Variants in GATD1 observed in about 807,000 individuals in gnomAD.
GATD1 encodes glutamine amidotransferase class 1 domain containing 1, also known as glutamine amidotransferase-like class 1 domain-containing protein 1.
GATD1 carries 23 observed loss-of-function variants against 25.9 expected under a neutral mutation model. The ratio of observed to expected loss-of-function variants is 0.89; its 90% CI spans 0.64 to 1.26. GATD1 has a LOEUF of 1.26. GATD1 is among the 50% of genes most tolerant of loss of function. GATD1 has a pLI of 0.00. For missense variants in GATD1, 347 were observed against 312.5 expected (o/e 1.11, Z -0.83); for synonymous variants, 177 against 134.6 (o/e 1.31, Z -2.18).
At position 777,441 on chromosome 11, in the gene GATD1, T is replaced by G. The variant is rs1864125947; in HGVS notation, c.22A>C (p.Asn8His). The G allele has an allele frequency of 3.2e-6, 4 of 1,259,726 alleles. No homozygotes were observed. In the South Asian group the frequency reaches 1.0e-4, roughly 32 times the overall value. 78.0% of individuals were successfully genotyped at this position (1,259,726 alleles called of 1,614,324 possible). A position where few individuals can be genotyped will look rare whatever the true frequency, so the allele number is the denominator to read the frequency against. MASERLP[N>H]RPACLLVASG... ...GCCACGAGCAGACAGGCGGGCCTGT[T>G]AGGGAGCCGCTCGGACGCCATGGCT... The change falls in exon 1 of 8, where the codon AAC (asparagine) becomes CAC (histidine). Residue 8 changes from asparagine (N) to histidine (H), a missense_variant. Coordinates refer to ENST00000319863, the MANE Select transcript of GATD1 (RefSeq NM_182612.4).
chr11:774,773 T>C (rs1590096729), intron 2 of GATD1, among the ~76,000 whole-genome samples: 1 of 151,712 alleles, frequency 6.6e-6, no homozygotes, highest in Admixed American at 6.6e-5. Context: ...GAGGTTGTGG[T>C]GAGCCGAGAT....
At chr11:775,432 G>A (rs913396825) in intron 1 of GATD1, among the ~76,000 whole-genome samples, 11 of 152,346 alleles carry the variant, frequency 7.2e-5, no homozygotes, top group Non-Finnish European at 1.5e-4. Flanking sequence ...TCCCCAGCCT[G>A]GCACTGTCAC....
chr11:776,385 C>T (rs1408194538), intron 1 of GATD1, among the ~76,000 whole-genome samples: 1 of 152,122 alleles, frequency 6.6e-6, no homozygotes, highest in African/African-American at 2.4e-5. Context: ...CCCCCAGCTG[C>T]CCGCCCTTCC....
rs1863295333 is a variant in GATD1, at chr11:770,021, GGAA to G, written c.*873_*875del. The G allele has an allele frequency of 9.2e-7, 1 of 1,088,310 alleles. No homozygotes were observed. The highest frequency in any genetic ancestry group is 1.1e-6 in the Non-Finnish European group (1 of 897,054). 67.4% of individuals were successfully genotyped at this position (1,088,310 alleles called of 1,614,324 possible). On this transcript the variant is annotated 3_prime_UTR_variant, in exon 8 of 8. Transcript: ENST00000319863. ...TGTGGCTGAGACGGGGAGGTGGGCA[GGAA>G]GAAGGCCTTCGATGGCTCAAACTGG...
chr11:775,658 G>A (rs1565018585), intron 1 of GATD1, among the ~76,000 whole-genome samples: 1 of 152,116 alleles, frequency 6.6e-6, no homozygotes. Context: ...AAGTGTCCTG[G>A]CCCCCCCTCA....
chr11:770,802 T>C lies in GATD1; in HGVS notation c.*95A>G. 6.5e-6 allele frequency: 10 copies of C among 1,541,410 alleles called. No individual in the cohort carries two copies. The highest frequency in any genetic ancestry group is 8.7e-6 in the Non-Finnish European group (10 of 1,143,092). On this transcript the variant is annotated 3_prime_UTR_variant, in exon 8 of 8. Coordinates refer to ENST00000319863, the MANE Select transcript of GATD1 (RefSeq NM_182612.4). ...AGACCAGGCTGCCATCCAGGGCCCTTGTCAGGAGGGAAGAGGCGGGGTCCC... is the reference window on the plus strand; with the variant it reads ...AGACCAGGCTGCCATCCAGGGCCCTCGTCAGGAGGGAAGAGGCGGGGTCCC...
intron 3 of GATD1, 37 bp from the exon 4 acceptor site, chr11:773,666 T>C: frequency 6.7e-7 from 1 of 1,497,756 alleles, no homozygotes; most frequent in Non-Finnish European, 9.2e-7. Context: ...CAGCCACATG[T>C]CAAAGTGAGA....
chr11:773,495 C>T (rs773553994), intron 4 of GATD1, 27 bp downstream of exon 4: 18 of 1,565,016 alleles, frequency 1.2e-5, no homozygotes, highest in Admixed American at 3.5e-5. Context: ...CATCCAACCC[C>T]TCCCCTGGGT....
chr11:774,486 C>T (rs1253280184), intron 2 of GATD1, among the ~76,000 whole-genome samples: 2 of 152,262 alleles, frequency 1.3e-5, no homozygotes, highest in Admixed American at 6.5e-5. Context: ...ACCAGGGCTG[C>T]GCCTTGGTCT....
chr11:771,229 G>A, intron 6 of GATD1, 104 bp downstream of exon 6: 1 of 1,548,230 alleles, frequency 6.5e-7, no homozygotes, highest in Non-Finnish European at 8.7e-7. Context: ...CAGTGCCATG[G>A]GGGTCTATAG....
chr11:769,167 A>T lies in GATD1; in HGVS notation c.*1730T>A, dbSNP rs1418260441. ...CATCACCACACGGGGATGAGAGTGG[A>T]CCCGGGACAGAGCAAGGCCCCGTGG... On this transcript the variant is annotated 3_prime_UTR_variant, in exon 8 of 8. Transcript: ENST00000319863. 1 of 985,106 alleles carries T rather than the reference A, an allele frequency of 1.0e-6. No individual in the cohort carries two copies. The highest frequency in any genetic ancestry group is 1.2e-6 in the Non-Finnish European group (1 of 829,924). The allele number at this position is 985,106 out of a possible 1,614,324, so 61.0% of individuals were successfully genotyped here.
Position 771,406 on chromosome 11 carries a change from G to T in GATD1, c.471C>A (p.Val157=). Residue 157 remains valine, a synonymous_variant, in exon 6 of 8, where the codon GTC becomes GTA. Transcript: ENST00000319863. The part of the protein sequence containing the change: ...SLTGPSVCEL[V]RAPGFARLPL... ...GCAGGCGGGCGAAGCCGGGGGCCCT[G>T]ACGAGCTCACACACAGAGGGCTGCG... The T allele has an allele frequency of 6.4e-7, 1 of 1,556,550 alleles. No individual in the cohort carries two copies.
chr11:776,052 G>C (rs1029064482), intron 1 of GATD1, among the ~76,000 whole-genome samples: 6 of 126,616 alleles, frequency 4.7e-5, no homozygotes, highest in African/African-American at 1.8e-4. Flanking sequence ...GTGCGATCTC[G>C]GCTCACTGCA....
chr11:771,129 C>T, intron 6 of GATD1, 25 bp from the exon 7 acceptor site: 2 of 1,565,748 alleles, frequency 1.3e-6, no homozygotes, highest in Non-Finnish European at 1.7e-6. Context: ...GGGCACCAAC[C>T]TCAGGCAATG....
Position 775,135 on chromosome 11 carries a change from C to A in GATD1, c.72G>T (p.Ser24=). The change falls in exon 2 of 8, where the codon TCG becomes TCT. Residue 24 remains serine (S), a synonymous_variant. Transcript: ENST00000319863. ...LVASGAAEGV[S]AQSFLHCFTM... The stretch of plus-strand genomic sequence containing the variant: ...TGAAACAGTGGAGGAAGGACTGGGC[C>A]GACACACCTGCAGAAGGTCCCAGTG... 2 of 1,601,546 alleles carry A rather than the reference C, an allele frequency of 1.2e-6. No individual in the cohort carries two copies. Among genetic ancestry groups the A allele is most frequent in the Non-Finnish European group, 1.7e-6 (2 of 1,175,378 alleles).
rs556170509 is a variant in GATD1 at position 775,737 on chromosome 11, G to A, written c.65-595C>T. 3.3e-5 allele frequency among the ~76,000 whole-genome samples: 5 copies of A among 151,974 alleles called. No individual in the cohort carries two copies. In the South Asian group the frequency reaches 6.2e-4, roughly 19 times the overall value. On this transcript the variant is annotated intron_variant, in intron 1 of 7. Coordinates refer to ENST00000319863, the MANE Select transcript of GATD1 (RefSeq NM_182612.4). ...GGTTCTGGGATTATACCCCTCCCCCGCCAGCTCTTCCTAGCATCCTTCGGC... is the reference window on the plus strand; with the variant it reads ...GGTTCTGGGATTATACCCCTCCCCCACCAGCTCTTCCTAGCATCCTTCGGC...
At position 777,444 on chromosome 11, in the gene GATD1, G is replaced by T. The variant is rs949713684; in HGVS notation, c.19C>A (p.Pro7Thr). Residue 7 changes from proline to threonine, a missense_variant, in exon 1 of 8, where the codon CCT becomes ACT. Pro to Thr is a conservative substitution (Grantham distance 38, BLOSUM62 -1). Coordinates refer to ENST00000319863, the MANE Select transcript of GATD1 (RefSeq NM_182612.4). MASERL[P>T]NRPACLLVAS... is the part of the protein sequence containing the mutation. ...ACGAGCAGACAGGCGGGCCTGTTAG[G>T]GAGCCGCTCGGACGCCATGGCTCGG... 2 of 1,255,632 alleles carry T rather than the reference G, an allele frequency of 1.6e-6. No individual in the cohort carries two copies. The highest frequency in any genetic ancestry group is 3.4e-5 in the East Asian group (1 of 29,472). 77.8% of individuals were successfully genotyped at this position (1,255,632 alleles called of 1,614,324 possible). A position where few individuals can be genotyped will look rare whatever the true frequency, so the allele number is the denominator to read the frequency against.
intron 1 of GATD1, chr11:776,858 T>C (rs897926340): frequency 1.3e-5 from 2 of 152,324 alleles, no homozygotes; most frequent in South Asian, 2.1e-4. Context: ...AGGCCAGTAC[T>C]GCCCTGGTAC....
Position 767,366 on chromosome 11 carries a change from G to A in GATD1, c.*3531C>T, listed in dbSNP as rs1255348671. The A allele has an allele frequency of 2.0e-6, 3 of 1,536,000 alleles. No homozygotes were observed. The highest frequency in any genetic ancestry group is 1.2e-5 in the South Asian group (1 of 84,026). ...CTGCCCCAGCCTGGTGCTGCCCCAA[G>A]CCCTGCCCTGGCAAAGAGAGAACTG... is the stretch of plus-strand genomic sequence containing the variant. On this transcript the variant is annotated 3_prime_UTR_variant, in exon 8 of 8. Transcript: ENST00000319863.
Sources: gnomAD v4.1 joint callset for allele counts (sites outside exome capture counted in the v4.1 genomes callset) on GRCh38, gnomAD v4.1.1 for gene constraint, MANE v1.5 for transcripts, NCBI Gene and HGNC (gene_info 2026-07-23, HGNC 2026-07-21) for gene names.